EP400: variants seen among roughly 807,000 people sequenced by gnomAD.
The protein encoded by EP400 is E1A-binding protein p400.
EP400 carries 105 observed loss-of-function variants against 354.1 expected under a neutral mutation model. The ratio of observed to expected loss-of-function variants is 0.30; its 90% CI spans 0.25 to 0.35. The LOEUF (loss-of-function observed/expected upper bound fraction) is 0.35. Among genes scored for constraint, EP400 ranks in the 10% least tolerant of loss-of-function variants. The probability of loss-of-function intolerance (pLI) is 1.00; values close to 1 mark genes in which losing one functional copy is unlikely to be tolerated. For missense variants in EP400, 3,280 were observed against 4,121.0 expected (o/e 0.80, Z 5.59); for synonymous variants, 1,646 against 1,716.9 (o/e 0.96, Z 1.02).
rs1386815623 is a variant in EP400 at position 132,070,296 on chromosome 12, A to G, written c.9021+655A>G. ...CTGGGAATTGGTTTTTGGGTCTGAG[A>G]TAGAAACAGGAATTCAATTTGATGT... is the stretch of plus-strand genomic sequence containing the variant. On this transcript the variant is annotated intron_variant, in intron 51 of 52. Coordinates refer to ENST00000389561, the MANE Select transcript of EP400 (RefSeq NM_015409.5). The surrounding 1 kb of genome is among the most constrained non-coding windows in gnomAD (Gnocchi z 4.1). Among the ~76,000 whole-genome samples, 1 of 152,218 alleles carries G rather than the reference A, an allele frequency of 6.6e-6. No homozygotes were observed. The highest frequency in any genetic ancestry group is 1.5e-5 in the Non-Finnish European group (1 of 68,040).
At chr12:131,985,789 G>T (rs895456427) in intron 5 of EP400, among the ~76,000 whole-genome samples, 1 of 152,026 alleles carries the variant, frequency 6.6e-6, no homozygotes, top group African/African-American at 2.4e-5. Flanking sequence ...TGTATTTTTA[G>T]TAGAGACGAG....
At chr12:132,003,192 T>TAA (rs200737694) in intron 12 of EP400, among the ~76,000 whole-genome samples, 24 of 116,676 alleles carry the variant, frequency 2.1e-4, no homozygotes, top group East Asian at 1.2e-3. Context: ...AAAGAAATAT[T>TAA]AAAAAAAAAA....
chr12:131,975,008 AAG>A, intron 2 of EP400, among the ~76,000 whole-genome samples: 1 of 151,488 alleles, frequency 6.6e-6, no homozygotes, highest in Non-Finnish European at 1.5e-5. Flanking sequence ...AAAAAAAAAA[AAG>A]ACCAGAGTAT....
At chr12:131,995,935 C>A (rs1178918682) in intron 12 of EP400, among the ~76,000 whole-genome samples, 1 of 146,124 alleles carries the variant, frequency 6.8e-6, no homozygotes, top group Non-Finnish European at 1.5e-5. Flanking sequence ...TTCATACGAA[C>A]GAATCCCACC....
intron 1 of EP400, among the ~76,000 whole-genome samples, chr12:131,954,255 T>A (rs1258617175): frequency 6.6e-6 from 1 of 151,104 alleles, no homozygotes; most frequent in African/African-American, 2.4e-5. Flanking sequence ...CATTTCAAAA[T>A]GTGTGTGTGT....
At chr12:131,981,220 C>G (rs1892670297) in intron 3 of EP400, among the ~76,000 whole-genome samples, 1 of 152,194 alleles carries the variant, frequency 6.6e-6, no homozygotes, top group African/African-American at 2.4e-5. Context: ...GAGTGCTAAG[C>G]AAGCCCACCT....
chr12:132,047,908 T>A (rs919992525), intron 39 of EP400, among the ~76,000 whole-genome samples: 1 of 152,242 alleles, frequency 6.6e-6, no homozygotes, highest in African/African-American at 2.4e-5. Context: ...CAGAGACGCA[T>A]TCTCTTTCTC....
intron 1 of EP400, among the ~76,000 whole-genome samples, chr12:131,956,788 C>T (rs1891714786): frequency 6.6e-6 from 1 of 151,566 alleles, no homozygotes; most frequent in Non-Finnish European, 1.5e-5. Flanking sequence ...GTCTGTATTC[C>T]TCTTTTTAGT....
chr12:132,025,752 G>T lies in EP400; in HGVS notation c.4962G>T (p.Leu1654=). Residue 1654 remains leucine, a synonymous_variant, in exon 25 of 53, where the codon CTG becomes CTT. Coordinates refer to ENST00000389561, the MANE Select transcript of EP400 (RefSeq NM_015409.5). This position sits in a 1 kb window ranked among gnomAD's most constrained non-coding sequence, Gnocchi z 4.1. ...VSQAGAVHGA[L]GSKPPAGGPS... ...AGGCGGGCGCTGTGCACGGCGCCCT[G>T]GGAAGCAAGCCCCCGGCCGGCGGTC... 1 of 1,612,378 alleles carries T rather than the reference G, an allele frequency of 6.2e-7. No homozygotes were observed.
chr12:132,027,146 T>A lies in EP400; in HGVS notation c.5015-291T>A, dbSNP rs1894335490. 2.0e-5 allele frequency among the ~76,000 whole-genome samples: 3 copies of A among 152,138 alleles called. No individual in the cohort carries two copies. The East Asian group carries it at 5.8e-4, about 29-fold the overall frequency. Reference sequence around the variant, plus strand: ...GGAGGTGTGCTGGGATGCTTCTGGGTGGCTCTGGAGTGCCTCCCAAAAGAA... The same window carrying A: ...GGAGGTGTGCTGGGATGCTTCTGGGAGGCTCTGGAGTGCCTCCCAAAAGAA... On this transcript the variant is annotated intron_variant, in intron 25 of 52. Coordinates refer to ENST00000389561, the MANE Select transcript of EP400 (RefSeq NM_015409.5). The surrounding 1 kb of genome is among the most constrained non-coding windows in gnomAD (Gnocchi z 4.9).
In EP400 at chr12:132,064,704, A is replaced by T. The variant is rs764030232; in HGVS notation, c.8371A>T (p.Met2791Leu). Residue 2791 changes from methionine to leucine, a missense_variant, in exon 48 of 53, where the codon ATG becomes TTG. By Grantham distance (15) the Met-to-Leu change is conservative (BLOSUM62 2). Coordinates refer to ENST00000389561, the MANE Select transcript of EP400 (RefSeq NM_015409.5). ...LIKMQKQKLQ[M>L]PPQPPPPQAQ... ...CAAAATGCAGAAGCAGAAACTGCAG[A>T]TGCCCCCGCAGCCCCCACCGCCACA... 2 of 1,613,110 alleles carry T rather than the reference A, an allele frequency of 1.2e-6. No individual in the cohort carries two copies. The highest frequency in any genetic ancestry group is 2.7e-5 in the African/African-American group (2 of 74,904).
chr12:131,999,949 T>A (rs2136515508), intron 12 of EP400, among the ~76,000 whole-genome samples: 1 of 152,148 alleles, frequency 6.6e-6, no homozygotes, highest in African/African-American at 2.4e-5. Context: ...GCCTGTTTTC[T>A]TGATAGTCTT....
chr12:131,989,988 C>T lies in EP400; in HGVS notation c.2434C>T (p.His812Tyr), dbSNP rs202179528. Residue 812 changes from histidine to tyrosine, a missense_variant, in exon 8 of 53, where the codon CAC becomes TAC. Physicochemically the swap from His to Tyr is moderately conservative, Grantham distance 83. This residue lies in a region of EP400 where 800 missense variants were observed against 840.0 expected (regional missense o/e 0.95). Transcript: ENST00000389561. ...KKLVRTVVRH[H>Y]EEKQLREERG... The stretch of plus-strand genomic sequence containing the variant: ...GCTCGTTAGAACTGTGGTGCGCCAT[C>T]ACGAGGAGAAGCAGCTCCGTGAAGA... 54 of 1,613,696 alleles carry T rather than the reference C, an allele frequency of 3.3e-5. No individual in the cohort carries two copies. Among genetic ancestry groups the T allele is most frequent in the Non-Finnish European group, 4.2e-5 (49 of 1,179,940 alleles).
At chr12:132,011,939 C>T (rs1893780930) in intron 16 of EP400, among the ~76,000 whole-genome samples, 1 of 152,066 alleles carries the variant, frequency 6.6e-6, no homozygotes, top group African/African-American at 2.4e-5. Flanking sequence ...GCAACACTTT[C>T]CCCCTGGAGG....
chr12:132,032,232 A>G (rs1894537771), intron 30 of EP400, 83 bp downstream of exon 30: 3 of 1,438,784 alleles, frequency 2.1e-6, no homozygotes, highest in Non-Finnish European at 2.8e-6. Flanking sequence ...GGCCGCGTGG[A>G]AATGGAGTCA....
In EP400 at chr12:132,054,100, G is replaced by A. The variant is rs927985760; in HGVS notation, c.7728+503G>A. Among the ~76,000 whole-genome samples the A allele has an allele frequency of 6.6e-5, 10 of 152,232 alleles. No homozygotes were observed. The East Asian group carries it at 1.9e-3, about 29-fold the overall frequency. Reference sequence around the variant, plus strand: ...AAGGCAGGGTGCGGAGCTGCGGACTGTGGCCATGCACACCACGCTCTGGTG... The same window carrying A: ...AAGGCAGGGTGCGGAGCTGCGGACTATGGCCATGCACACCACGCTCTGGTG... On this transcript the variant is annotated intron_variant, in intron 43 of 52. Coordinates refer to ENST00000389561, the MANE Select transcript of EP400 (RefSeq NM_015409.5). This position sits in a 1 kb window ranked among gnomAD's most constrained non-coding sequence, Gnocchi z 4.0.
chr12:131,960,006 T>C (rs1227213957), intron 1 of EP400, among the ~76,000 whole-genome samples: 1 of 152,228 alleles, frequency 6.6e-6, no homozygotes, highest in East Asian at 1.9e-4. Context: ...GCTGGGTATT[T>C]GCTTCTGGCG....
At chr12:131,987,577 G>T in intron 6 of EP400, 128 bp from the exon 7 acceptor site, 1 of 741,702 alleles carries the variant, frequency 1.3e-6, no homozygotes, top group Non-Finnish European at 2.1e-6. Flanking sequence ...CTGGGACCTT[G>T]TGCTTTCTCT....
chr12:132,032,188 A>C (rs1193587378), intron 30 of EP400, 39 bp downstream of exon 30: 1 of 1,586,940 alleles, frequency 6.3e-7, no homozygotes, highest in East Asian at 2.3e-5. Context: ...AGATGCAAAG[A>C]CATCCACATA....
Sources: allele counts gnomAD v4.1 joint callset (sites outside exome capture counted in the v4.1 genomes callset), GRCh38; gene constraint gnomAD v4.1.1; regional missense constraint gnomAD v4.1.1; non-coding constraint Gnocchi (gnomAD v3.1); transcripts MANE v1.5; gene names NCBI Gene and HGNC (gene_info 2026-07-23, HGNC 2026-07-21).